The following CTNNA3 variants were observed in gnomAD, a reference collection of about 807,000 sequenced individuals.
The protein encoded by CTNNA3 is catenin alpha-3.
Under a neutral mutation model 95.7 loss-of-function variants are expected in CTNNA3, and 76 were observed. The ratio of observed to expected loss-of-function variants is 0.79; its 90% CI spans 0.66 to 0.96. The LOEUF (loss-of-function observed/expected upper bound fraction) is 0.96, where lower values mean the gene tolerates loss of function less well. Among genes scored for constraint, CTNNA3 ranks in the 40% least tolerant of loss-of-function variants. CTNNA3 has a pLI of 0.00. For synonymous variants in CTNNA3, 431 were observed against 374.4 expected (o/e 1.15, Z -1.74); for missense variants, 1,191 against 1,089.8 (o/e 1.09, Z -1.31).
intron 15 of CTNNA3, among the ~76,000 whole-genome samples, chr10:66,030,552 T>C (rs751963444): frequency 6.6e-6 from 1 of 152,118 alleles, no homozygotes; most frequent in Non-Finnish European, 1.5e-5. Flanking sequence ...TATACAAAAA[T>C]TAACTCAAGA....
chr10:66,873,671 C>T (rs1434727615), intron 7 of CTNNA3, among the ~76,000 whole-genome samples: 1 of 152,084 alleles, frequency 6.6e-6, no homozygotes, highest in Non-Finnish European at 1.5e-5. Context: ...AGGACGCCCC[C>T]ATTCAACAAA....
chr10:67,014,787 T>C (rs896409932), intron 7 of CTNNA3, among the ~76,000 whole-genome samples: 1 of 152,062 alleles, frequency 6.6e-6, no homozygotes, highest in Non-Finnish European at 1.5e-5. Context: ...AAAACAGCCA[T>C]CTCTACCACC....
At chr10:66,607,451 C>T (rs1181435808) in intron 10 of CTNNA3, among the ~76,000 whole-genome samples, 1 of 113,260 alleles carries the variant, frequency 8.8e-6, no homozygotes, top group Non-Finnish European at 1.7e-5. Context: ...CATCCTGAAA[C>T]CAAAACCAGG....
chr10:67,504,728 AT>A (rs1839380311), intron 5 of CTNNA3, among the ~76,000 whole-genome samples: 1 of 152,148 alleles, frequency 6.6e-6, no homozygotes, highest in African/African-American at 2.4e-5. Flanking sequence ...CTAGCCCACT[AT>A]TTTAGCATAA....
At chr10:66,161,076 T>C (rs2084816762) in intron 13 of CTNNA3, among the ~76,000 whole-genome samples, 2 of 152,198 alleles carry the variant, frequency 1.3e-5, no homozygotes, top group Admixed American at 1.3e-4. Context: ...TGAGTCCTTA[T>C]GTGTAAGGTG....
intron 3 of CTNNA3, among the ~76,000 whole-genome samples, chr10:67,577,728 ATAC>A (rs1247250606): frequency 1.7e-4 from 26 of 151,744 alleles, no homozygotes; most frequent in South Asian, 2.1e-4. Flanking sequence ...GTGTGTATAT[ATAC>A]TACATTTTCT....
intron 5 of CTNNA3, among the ~76,000 whole-genome samples, chr10:67,398,891 G>A (rs1216990396): frequency 6.6e-6 from 1 of 152,226 alleles, no homozygotes; most frequent in South Asian, 2.1e-4. Context: ...TTCCCCTTCT[G>A]CCATGATTGT....
At chr10:67,642,303 T>C (rs1321010046) in intron 2 of CTNNA3, among the ~76,000 whole-genome samples, 1 of 151,732 alleles carries the variant, frequency 6.6e-6, no homozygotes, top group East Asian at 1.9e-4. Context: ...AAAGGTCTAA[T>C]ATCCAGAGTC....
At chr10:67,643,995 C>T (rs1396445931) in intron 2 of CTNNA3, among the ~76,000 whole-genome samples, 10 of 152,110 alleles carry the variant, frequency 6.6e-5, no homozygotes, top group Non-Finnish European at 1.5e-4. Context: ...CATAAACATA[C>T]GTGTGCATGT....
intron 16 of CTNNA3, among the ~76,000 whole-genome samples, chr10:65,975,510 T>A (rs1353561627): frequency 6.6e-6 from 1 of 152,102 alleles, no homozygotes; most frequent in Non-Finnish European, 1.5e-5. Context: ...TTTAGGCATA[T>A]CTTCTCACTC....
chr10:66,798,922 G>A (rs528382696), intron 7 of CTNNA3, among the ~76,000 whole-genome samples: 2 of 151,444 alleles, frequency 1.3e-5, no homozygotes, highest in African/African-American at 4.8e-5. Flanking sequence ...AGGGTGATTC[G>A]GCCAGCATAC....
intron 5 of CTNNA3, among the ~76,000 whole-genome samples, chr10:67,463,199 C>G (rs1029508330): frequency 6.6e-6 from 1 of 152,010 alleles, no homozygotes; most frequent in Non-Finnish European, 1.5e-5. Context: ...GCCACCACAC[C>G]CGACCTCTGT....
intron 13 of CTNNA3, among the ~76,000 whole-genome samples, chr10:66,113,984 C>T (rs1161572758): frequency 6.6e-6 from 1 of 151,960 alleles, no homozygotes; most frequent in Non-Finnish European, 1.5e-5. Context: ...GGGGGGAATG[C>T]TAAAAATGGT....
rs1840348045 is a variant in CTNNA3, at chr10:66,503,511, C to T, written c.1531+17106G>A. On this transcript the variant is annotated intron_variant, in intron 11 of 17. Coordinates refer to ENST00000433211, the MANE Select transcript of CTNNA3 (RefSeq NM_013266.4). The stretch of plus-strand genomic sequence containing the variant: ...TAAGATGGAGTCTTGCTCTGTCACC[C>T]AGGCTGGAGTGCAGTGGTGTGATCT... 9.9e-5 allele frequency among the ~76,000 whole-genome samples: 15 copies of T among 152,110 alleles called. No individual in the cohort carries two copies. In the South Asian group the frequency reaches 3.1e-3, roughly 32 times the overall value.
At chr10:66,377,094 A>G (rs1166624157) in intron 12 of CTNNA3, among the ~76,000 whole-genome samples, 1 of 152,128 alleles carries the variant, frequency 6.6e-6, no homozygotes, top group Non-Finnish European at 1.5e-5. Flanking sequence ...AATTTCAAAG[A>G]AGGCTATTTG....
chr10:66,707,785 C>A (rs549376252), intron 9 of CTNNA3, among the ~76,000 whole-genome samples: 3 of 152,162 alleles, frequency 2.0e-5, no homozygotes, highest in Admixed American at 2.0e-4. Flanking sequence ...GTTAACTAAC[C>A]AGGCAACTAC....
At chr10:66,365,047 T>C (rs546861704) in intron 12 of CTNNA3, among the ~76,000 whole-genome samples, 2 of 152,172 alleles carry the variant, frequency 1.3e-5, no homozygotes, top group Non-Finnish European at 2.9e-5. Flanking sequence ...CCTTTGCTAA[T>C]GTTTCCAGTA....
At chr10:66,234,449 A>G (rs776678852) in intron 13 of CTNNA3, among the ~76,000 whole-genome samples, 1 of 152,122 alleles carries the variant, frequency 6.6e-6, no homozygotes, top group Non-Finnish European at 1.5e-5. Flanking sequence ...TGGATTCAAG[A>G]TATGTGTGTG....
chr10:66,912,658 C>A (rs1564761537), intron 7 of CTNNA3, among the ~76,000 whole-genome samples: 1 of 152,078 alleles, frequency 6.6e-6, no homozygotes, highest in African/African-American at 2.4e-5. Context: ...TAAGATATAA[C>A]CCCCAAGAAC....
Sources: gnomAD v4.1 joint callset for allele counts (sites outside exome capture counted in the v4.1 genomes callset) on GRCh38, gnomAD v4.1.1 for gene constraint, MANE v1.5 for transcripts, NCBI Gene and HGNC (gene_info 2026-07-23, HGNC 2026-07-21) for gene names.